Variants in PHKB observed in about 807,000 individuals in gnomAD.
PHKB encodes phosphorylase kinase regulatory subunit beta.
A neutral mutation model predicts 152.1 loss-of-function variants in PHKB; 122 were observed. That is an observed-to-expected ratio of 0.80 (90% CI 0.69 to 0.93). The LOEUF is 0.93. Among genes scored for constraint, PHKB ranks in the 40% least tolerant of loss-of-function variants. The pLI, the probability that PHKB is intolerant of heterozygous loss-of-function variation, is 0.00. For missense variants in PHKB, 1,304 were observed against 1,328.4 expected (o/e 0.98, Z 0.29); for synonymous variants, 436 against 464.9 (o/e 0.94, Z 0.80).
intron 25 of PHKB, among the ~76,000 whole-genome samples, chr16:47,667,729 A>C (rs904888662): frequency 5.3e-5 from 8 of 152,166 alleles, no homozygotes; most frequent in Non-Finnish European, 8.8e-5. Context: ...AAGAGAGTTA[A>C]CTCTGCATAT....
chr16:47,598,580 T>C (rs1972164236), intron 13 of PHKB: 1 of 865,468 alleles, frequency 1.2e-6, no homozygotes, highest in African/African-American at 1.7e-5. Context: ...GTCAGTAATA[T>C]GAACACGCCC....
At chr16:47,590,605 C>G (rs1289983925) in intron 10 of PHKB, 2 of 151,994 alleles carry the variant, frequency 1.3e-5, no homozygotes, top group African/African-American at 4.8e-5. Flanking sequence ...ACAGCACTTA[C>G]ATTTGAATTG....
chr16:47,692,567 G>C (rs1974080094), intron 27 of PHKB, among the ~76,000 whole-genome samples: 1 of 152,062 alleles, frequency 6.6e-6, no homozygotes, highest in African/African-American at 2.4e-5. Flanking sequence ...AGTGAGCTAT[G>C]ATCGAGCCAT....
At chr16:47,573,575 G>T (rs907966011) in intron 7 of PHKB, among the ~76,000 whole-genome samples, 1 of 152,160 alleles carries the variant, frequency 6.6e-6, no homozygotes. Flanking sequence ...CAACAGCTGG[G>T]TCCCAGGCAG....
intron 27 of PHKB, among the ~76,000 whole-genome samples, chr16:47,692,969 A>G (rs1045192831): frequency 6.6e-6 from 1 of 152,202 alleles, no homozygotes; most frequent in Admixed American, 6.5e-5. Flanking sequence ...AGAGGTGTAT[A>G]GGACTGATCA....
chr16:47,635,195 T>C (rs2151723159), intron 14 of PHKB, among the ~76,000 whole-genome samples: 1 of 152,296 alleles, frequency 6.6e-6, no homozygotes, highest in South Asian at 2.1e-4. Flanking sequence ...TATACTATAA[T>C]GGATAAGTAG....
intron 26 of PHKB, among the ~76,000 whole-genome samples, chr16:47,687,772 G>A (rs1016456949): frequency 3.9e-5 from 6 of 152,192 alleles, no homozygotes; most frequent in African/African-American, 1.4e-4. Context: ...TAGGGGAGAA[G>A]GTAGGAAGAG....
intron 7 of PHKB, among the ~76,000 whole-genome samples, chr16:47,576,560 A>T (rs867360012): frequency 1.3e-5 from 2 of 152,190 alleles, no homozygotes; most frequent in South Asian, 2.1e-4. Flanking sequence ...AAAGGAGAAA[A>T]GTGTGCAAGT....
At chr16:47,584,879 A>G (rs1472266731) in intron 8 of PHKB, among the ~76,000 whole-genome samples, 2 of 152,238 alleles carry the variant, frequency 1.3e-5, no homozygotes, top group African/African-American at 4.8e-5. Flanking sequence ...AATGAAGAAA[A>G]GAAAGATCAG....
intron 1 of PHKB, among the ~76,000 whole-genome samples, chr16:47,476,397 A>T (rs1265091751): frequency 6.6e-6 from 1 of 152,144 alleles, no homozygotes; most frequent in Non-Finnish European, 1.5e-5. Flanking sequence ...ATGGAAATAC[A>T]CAGTAAGGCT....
intron 6 of PHKB, among the ~76,000 whole-genome samples, chr16:47,540,659 A>C (rs1971038487): frequency 6.6e-6 from 1 of 152,004 alleles, no homozygotes. Context: ...CTACATTGAA[A>C]TATTGGGGAC....
chr16:47,627,927 T>C (rs1265018992), intron 14 of PHKB, among the ~76,000 whole-genome samples: 1 of 152,178 alleles, frequency 6.6e-6, no homozygotes, highest in African/African-American at 2.4e-5. Flanking sequence ...TTGAGATGTA[T>C]AAAGCATCTG....
intron 6 of PHKB, among the ~76,000 whole-genome samples, chr16:47,530,192 G>A (rs1339188727): frequency 1.4e-5 from 2 of 147,064 alleles, no homozygotes; most frequent in East Asian, 2.0e-4. Flanking sequence ...CTAGATGGCA[G>A]TGGCATGATC....
At chr16:47,681,161 A>G (rs1050136046) in intron 26 of PHKB, among the ~76,000 whole-genome samples, 3 of 152,116 alleles carry the variant, frequency 2.0e-5, no homozygotes, top group Admixed American at 6.6e-5. Context: ...CTGTTCTTTT[A>G]CATTTGCTGA....
chr16:47,637,954 A>G (rs1348837874), intron 14 of PHKB, among the ~76,000 whole-genome samples: 1 of 152,028 alleles, frequency 6.6e-6, no homozygotes, highest in East Asian at 1.9e-4. Context: ...CACATGATGG[A>G]AAGGGTGCAG....
At chr16:47,605,356 A>G (rs776058309) in intron 13 of PHKB, among the ~76,000 whole-genome samples, 22 of 152,218 alleles carry the variant, frequency 1.4e-4, no homozygotes, top group Admixed American at 5.2e-4. Context: ...AGGAAATGCA[A>G]AGAAATAAGC....
At chr16:47,529,114 C>T (rs949807287) in intron 6 of PHKB, 6 of 152,030 alleles carry the variant, frequency 3.9e-5, no homozygotes, top group African/African-American at 1.4e-4. Flanking sequence ...AGACATTTAT[C>T]CAAATAATCA....
intron 13 of PHKB, among the ~76,000 whole-genome samples, chr16:47,610,181 T>TTG (rs1972400815): frequency 6.8e-6 from 1 of 146,400 alleles, no homozygotes; most frequent in Non-Finnish European, 1.5e-5. Flanking sequence ...TTTTTTTTTT[T>TTG]TGTATTTTTA....
chr16:47,505,689 T>TA (rs1483207457), intron 4 of PHKB: 1 of 152,216 alleles, frequency 6.6e-6, no homozygotes, highest in African/African-American at 2.4e-5. Flanking sequence ...TTTGATCACT[T>TA]AATATTTTGT....
Sources: allele counts gnomAD v4.1 joint callset (sites outside exome capture counted in the v4.1 genomes callset), GRCh38; gene constraint gnomAD v4.1.1; transcripts MANE v1.5; gene names NCBI Gene and HGNC (gene_info 2026-07-23, HGNC 2026-07-21).